The following DDX31 variants were observed in gnomAD, a reference collection of about 807,000 sequenced individuals.
DDX31 encodes ATP-dependent DNA helicase DDX31.
In DDX31, 70 loss-of-function variants were observed where a neutral mutation model predicts 91.3. That is an observed-to-expected ratio of 0.77 (90% CI 0.63 to 0.94). The LOEUF is 0.94. Among genes scored for constraint, DDX31 ranks in the 40% least tolerant of loss-of-function variants. The pLI is 0.00. For synonymous variants in DDX31, 362 were observed against 350.6 expected (o/e 1.03, Z -0.36); for missense variants, 902 against 925.0 (o/e 0.98, Z 0.32).
chr9:132,646,412 C>A (rs1403946182), intron 12 of DDX31, among the ~76,000 whole-genome samples: 4 of 152,174 alleles, frequency 2.6e-5, no homozygotes, highest in African/African-American at 9.7e-5. Flanking sequence ...ATGCAGAAAA[C>A]CTTCACCCTT....
At chr9:132,621,096 G>A (rs868004136) in intron 17 of DDX31, among the ~76,000 whole-genome samples, 1 of 152,134 alleles carries the variant, frequency 6.6e-6, no homozygotes, top group Non-Finnish European at 1.5e-5. Context: ...GGACAAAAAC[G>A]CTTGTAGGAA....
chr9:132,633,262 A>T (rs1004604058), intron 14 of DDX31, among the ~76,000 whole-genome samples: 1 of 152,208 alleles, frequency 6.6e-6, no homozygotes, highest in Non-Finnish European at 1.5e-5. Flanking sequence ...TGTCCCTCAT[A>T]TGCTGCTGGT....
Position 132,654,253 on chromosome 9 carries a change from G to A in DDX31, c.589-1761C>T, listed in dbSNP as rs1463503379. 2.0e-5 allele frequency among the ~76,000 whole-genome samples: 3 copies of A among 152,162 alleles called. No homozygotes were observed. In the East Asian group the frequency reaches 5.8e-4, roughly 29 times the overall value. ...CCTGGGGAGAAAATATGCCACACCTGAGAGAAAGAGCTAATTTCCTTAATT... is the reference window on the plus strand; with the variant it reads ...CCTGGGGAGAAAATATGCCACACCTAAGAGAAAGAGCTAATTTCCTTAATT... On this transcript the variant is annotated intron_variant, in intron 6 of 19. Transcript: ENST00000372159.
At chr9:132,638,691 C>A (rs1351587950) in intron 14 of DDX31, among the ~76,000 whole-genome samples, 1 of 152,148 alleles carries the variant, frequency 6.6e-6, no homozygotes, top group African/African-American at 2.4e-5. Context: ...GACTTGCGAG[C>A]TGCATGAAAC....
At position 132,607,522 on chromosome 9, in the gene DDX31, A is replaced by G. The variant is rs1831091549; in HGVS notation, c.1994+4565T>C. On this transcript the variant is annotated intron_variant, in intron 19 of 19. Coordinates refer to ENST00000372159, the MANE Select transcript of DDX31 (RefSeq NM_022779.9). Reference sequence around the variant, plus strand: ...ACTAGAAAGGCAGGTGGCAGAAGTCAGGGGTAAAACCAGTCTTAGGTACTA... The same window carrying G: ...ACTAGAAAGGCAGGTGGCAGAAGTCGGGGGTAAAACCAGTCTTAGGTACTA... 1.3e-5 allele frequency among the ~76,000 whole-genome samples: 2 copies of G among 152,220 alleles called. 1 individual carries two copies. Among genetic ancestry groups the G allele is most frequent in the South Asian group, 4.1e-4 (2 of 4,830 alleles).
rs1224744370 is a variant in DDX31 at position 132,593,049 on chromosome 9, C to A, written c.*1817G>T. 1 of 152,074 alleles carries A rather than the reference C, an allele frequency of 6.6e-6. No homozygotes were observed. Among genetic ancestry groups the A allele is most frequent in the East Asian group, 1.9e-4 (1 of 5,192 alleles). 9.4% of individuals were successfully genotyped at this position (152,074 alleles called of 1,614,324 possible). Reference sequence around the variant, plus strand: ...TTATTTAAATTTAAACAATATTAACCTTAAATCTGCTAAATCCATGTTTCT... The same window carrying A: ...TTATTTAAATTTAAACAATATTAACATTAAATCTGCTAAATCCATGTTTCT... On this transcript the variant is annotated 3_prime_UTR_variant, in exon 20 of 20. Transcript: ENST00000372159.
intron 11 of DDX31, among the ~76,000 whole-genome samples, chr9:132,647,665 G>C (rs534398268): frequency 6.6e-6 from 1 of 152,204 alleles, no homozygotes; most frequent in South Asian, 2.1e-4. Context: ...CACTGTGTGG[G>C]GTGGATCTGG....
Position 132,662,259 on chromosome 9 carries a change from A to G in DDX31, c.408+2T>C, listed in dbSNP as rs1318982873. 2 of 1,614,074 alleles carry G rather than the reference A, an allele frequency of 1.2e-6. No homozygotes were observed. Among genetic ancestry groups the G allele is most frequent in the African/African-American group, 2.7e-5 (2 of 74,932 alleles). On this transcript the variant is annotated splice_donor_variant, in intron 3 of 19. Coordinates refer to ENST00000372159, the MANE Select transcript of DDX31 (RefSeq NM_022779.9). LOFTEE classifies it high-confidence loss of function. ...ACCCAGAAAACACTGAAAGGTACTTACTAAATGTGGGTGGAGGCCCAGCTC... is the reference window on the plus strand; with the variant it reads ...ACCCAGAAAACACTGAAAGGTACTTGCTAAATGTGGGTGGAGGCCCAGCTC...
intron 19 of DDX31, among the ~76,000 whole-genome samples, chr9:132,609,214 C>T (rs774231918): frequency 1.3e-5 from 2 of 152,166 alleles, no homozygotes; most frequent in Non-Finnish European, 2.9e-5. Flanking sequence ...ACTCACCACC[C>T]GGCTCCCTGC....
intron 17 of DDX31, among the ~76,000 whole-genome samples, chr9:132,623,553 AAAAAAAAAAAAAAAAG>A (rs1207555268): frequency 6.8e-6 from 1 of 147,850 alleles, no homozygotes; most frequent in Non-Finnish European, 1.5e-5. Context: ...CTCCATCTCA[AAAAAAAAAAAAAAAAG>A]AAAAAAAAAA....
Position 132,646,971 on chromosome 9 carries a change from T to C in DDX31, c.1055A>G (p.Asp352Gly). ...DKSHDQLNPK[D>G]KAVQEVCPPP... ...AGGACAGACCTCCTGGACCGCTTTG[T>C]CCTTTGGGTTCAACTGGTCATGGCT... Residue 352 changes from aspartate to glycine, a missense_variant, in exon 12 of 20, where the codon GAC (aspartate) becomes GGC (glycine). Physicochemically the swap from Asp to Gly is moderately conservative, Grantham distance 94 (BLOSUM62 -1). Transcript: ENST00000372159. 6.2e-7 allele frequency: 1 copy of C among 1,614,166 alleles called. No homozygotes were observed. The highest frequency in any genetic ancestry group is 8.5e-7 in the Non-Finnish European group (1 of 1,180,020).
intron 19 of DDX31, among the ~76,000 whole-genome samples, chr9:132,610,947 T>G (rs544165268): frequency 4.2e-4 from 64 of 152,266 alleles, no homozygotes; most frequent in African/African-American, 1.5e-3. Flanking sequence ...GGGTGGTCCC[T>G]CTGTCTTTGC....
At chr9:132,630,182 T>C in intron 16 of DDX31, 82 bp downstream of exon 16, 2 of 1,447,696 alleles carry the variant, frequency 1.4e-6, no homozygotes, top group East Asian at 2.3e-5. Flanking sequence ...TTCGTCAGCT[T>C]ACAAGGCCCA....
At chr9:132,652,315 G>T in intron 7 of DDX31, 133 bp downstream of exon 7, 1 of 987,582 alleles carries the variant, frequency 1.0e-6, no homozygotes. Context: ...CAGAAGGATG[G>T]TTTCCAGGCA....
intron 17 of DDX31, 54 bp downstream of exon 17, chr9:132,625,610 A>C (rs1022274839): frequency 1.7e-5 from 24 of 1,424,848 alleles, no homozygotes; most frequent in Non-Finnish European, 2.4e-5. Flanking sequence ...CTACTACCCC[A>C]AATCAAGTGA....
chr9:132,616,376 A>T (rs1367298850), intron 18 of DDX31, among the ~76,000 whole-genome samples: 1 of 152,254 alleles, frequency 6.6e-6, no homozygotes, highest in Non-Finnish European at 1.5e-5. Context: ...TAACAAGTTC[A>T]ATGGTAATAA....
chr9:132,640,958 C>A (rs1002971786), intron 14 of DDX31, among the ~76,000 whole-genome samples: 10 of 152,168 alleles, frequency 6.6e-5, no homozygotes, highest in Admixed American at 5.2e-4. Context: ...CCTCAGGAGG[C>A]AAGTATTCCA....
chr9:132,625,907 G>A (rs1271537947), intron 16 of DDX31, among the ~76,000 whole-genome samples, 162 bp from the exon 17 acceptor site: 1 of 152,104 alleles, frequency 6.6e-6, no homozygotes, highest in East Asian at 1.9e-4. Flanking sequence ...GAATTGAGAA[G>A]GGGACCTCTA....
chr9:132,638,423 T>C, intron 14 of DDX31: 1 of 1,611,968 alleles, frequency 6.2e-7, no homozygotes, highest in Non-Finnish European at 8.5e-7. Context: ...CTGATCCCTT[T>C]GATTGCTTAA....
Sources: gnomAD v4.1 joint callset for allele counts (sites outside exome capture counted in the v4.1 genomes callset) on GRCh38, gnomAD v4.1.1 for gene constraint, MANE v1.5 for transcripts, NCBI Gene and HGNC (gene_info 2026-07-23, HGNC 2026-07-21) for gene names.